The following EYS variants were observed in gnomAD, a reference collection of about 807,000 sequenced individuals.
EYS encodes the protein EGF-like photoreceptor maintenance factor.
A neutral mutation model predicts 282.1 loss-of-function variants in EYS; 250 were observed. The ratio of observed to expected loss-of-function variants is 0.89; its 90% CI spans 0.80 to 0.98. The LOEUF is 0.98. Ranked by LOEUF, EYS falls within the 50% of genes least tolerant of loss-of-function variation. EYS has a pLI of 0.00. For missense variants in EYS, 4,016 were observed against 3,709.0 expected (o/e 1.08, Z -2.15); for synonymous variants, 1,355 against 1,282.9 (o/e 1.06, Z -1.20).
intron 23 of EYS, among the ~76,000 whole-genome samples, chr6:64,618,840 A>G (rs1198455463): frequency 6.6e-6 from 1 of 152,182 alleles, no homozygotes; most frequent in Non-Finnish European, 1.5e-5. Context: ...ATGGAAAAAA[A>G]CATCTTCACA....
chr6:63,725,231 CT>C, intron 42 of EYS, among the ~76,000 whole-genome samples: 1 of 152,218 alleles, frequency 6.6e-6, no homozygotes, highest in East Asian at 1.9e-4. Context: ...TCTTGATTGT[CT>C]TGAACTACAT....
At position 64,962,359 on chromosome 6, in the gene EYS, C is replaced by T. The variant is rs565496186; in HGVS notation, c.2260-16445G>A. Among the ~76,000 whole-genome samples, 18 of 151,952 alleles carry T rather than the reference C, an allele frequency of 1.2e-4. No homozygotes were observed. The South Asian group carries it at 3.5e-3, about 30-fold the overall frequency. On this transcript the variant is annotated intron_variant, in intron 14 of 42. Transcript: ENST00000503581. ...CTGTTTATCTAATTTATCTATGTAT[C>T]TCTTTATCTCTCTCTTTATCTAATT...
At chr6:64,160,551 A>G (rs1369767028) in intron 31 of EYS, among the ~76,000 whole-genome samples, 1 of 152,206 alleles carries the variant, frequency 6.6e-6, no homozygotes, top group Non-Finnish European at 1.5e-5. Flanking sequence ...AGCTAAAACC[A>G]ACCTTAAAAA....
At chr6:64,015,732 T>C (rs1038720198) in intron 33 of EYS, among the ~76,000 whole-genome samples, 1 of 152,168 alleles carries the variant, frequency 6.6e-6, no homozygotes, top group Non-Finnish European at 1.5e-5. Flanking sequence ...GACATTGTCA[T>C]TCTCTGAGAG....
At chr6:64,306,736 A>G (rs1769459397) in intron 30 of EYS, among the ~76,000 whole-genome samples, 1 of 152,188 alleles carries the variant, frequency 6.6e-6, no homozygotes, top group South Asian at 2.1e-4. Flanking sequence ...GTTGGATGGT[A>G]TATTTTATAT....
Position 63,761,551 on chromosome 6 carries a change from AT to A in EYS, c.8071+909del, listed in dbSNP as rs563454151. Among the ~76,000 whole-genome samples, 33 of 152,154 alleles carry A rather than the reference AT, an allele frequency of 2.2e-4. 1 individual carries two copies. In the South Asian group the frequency reaches 5.2e-3, roughly 24 times the overall value. The stretch of plus-strand genomic sequence containing the variant: ...TTTGATAAAGTGATCTAGAAATATT[AT>A]TTTTTTCTTACACATATGAATATGA... On this transcript the variant is annotated intron_variant, in intron 41 of 42. Coordinates refer to ENST00000503581, the MANE Select transcript of EYS (RefSeq NM_001142800.2).
intron 13 of EYS, among the ~76,000 whole-genome samples, chr6:65,041,910 C>T (rs975780405): frequency 6.6e-6 from 1 of 151,632 alleles, no homozygotes; most frequent in Non-Finnish European, 1.5e-5. Context: ...CCAAAATAGT[C>T]TCAATGGCAC....
chr6:64,537,423 T>C (rs1410335139), intron 26 of EYS, among the ~76,000 whole-genome samples: 1 of 152,108 alleles, frequency 6.6e-6, no homozygotes, highest in East Asian at 1.9e-4. Context: ...GACATTTGGG[T>C]TGGTTCCAAG....
intron 14 of EYS, among the ~76,000 whole-genome samples, chr6:64,955,255 T>A (rs538441459): frequency 1.2e-3 from 181 of 151,502 alleles, no homozygotes; most frequent in Non-Finnish European, 1.8e-3. Context: ...ATTAAATACC[T>A]AGGAATTAAC....
At chr6:65,559,432 C>G (rs2127343532) in intron 2 of EYS, among the ~76,000 whole-genome samples, 1 of 152,038 alleles carries the variant, frequency 6.6e-6, no homozygotes, top group East Asian at 1.9e-4. Context: ...TTTGGCTACT[C>G]CCAATAGATT....
At chr6:65,062,239 C>T (rs1431603623) in intron 12 of EYS, among the ~76,000 whole-genome samples, 1 of 151,906 alleles carries the variant, frequency 6.6e-6, no homozygotes, top group Non-Finnish European at 1.5e-5. Flanking sequence ...GCAAACAAAA[C>T]TCTCTAAGCA....
chr6:64,264,421 A>G (rs901568455), intron 30 of EYS, among the ~76,000 whole-genome samples: 2 of 152,134 alleles, frequency 1.3e-5, no homozygotes, highest in Non-Finnish European at 2.9e-5. Context: ...TCCACAAGTT[A>G]TCTCTGTCCT....
chr6:65,545,797 A>G (rs1169364621), intron 2 of EYS, among the ~76,000 whole-genome samples: 1 of 152,140 alleles, frequency 6.6e-6, no homozygotes, highest in East Asian at 1.9e-4. Context: ...ACAAAGACCA[A>G]TTATTTCATG....
chr6:64,432,583 AAGT>A (rs1774607513), intron 28 of EYS, among the ~76,000 whole-genome samples: 1 of 151,212 alleles, frequency 6.6e-6, no homozygotes, highest in African/African-American at 2.4e-5. Context: ...CAATGATTAT[AAGT>A]AGTATATAGT....
At chr6:64,546,034 A>T (rs1258874198) in intron 26 of EYS, among the ~76,000 whole-genome samples, 1 of 152,182 alleles carries the variant, frequency 6.6e-6, no homozygotes, top group Non-Finnish European at 1.5e-5. Context: ...TAAAGTTCAT[A>T]TGGAAACAAA....
At position 64,587,189 on chromosome 6, in the gene EYS, T is replaced by A. The variant is rs9353933; in HGVS notation, c.5644+3034A>T. Among the ~76,000 whole-genome samples the A allele has an allele frequency of 2.8e-3, 424 of 150,460 alleles. 13 individuals are homozygous for A. In the East Asian group the frequency reaches 0.069, roughly 25 times the overall value. ...TCGCAAGAGGTTGCTCAGAGTGTCATTTTTTTTTCTAGTGGTCCAATACAA... is the reference window on the plus strand; with the variant it reads ...TCGCAAGAGGTTGCTCAGAGTGTCAATTTTTTTTCTAGTGGTCCAATACAA... On this transcript the variant is annotated intron_variant, in intron 26 of 42. Coordinates refer to ENST00000503581, the MANE Select transcript of EYS (RefSeq NM_001142800.2).
intron 1 of EYS, among the ~76,000 whole-genome samples, chr6:65,688,960 A>G (rs911985795): frequency 2.0e-5 from 3 of 151,144 alleles, no homozygotes; most frequent in African/African-American, 2.4e-5. Flanking sequence ...GTGGAAGTCA[A>G]TGTGGCGATT....
intron 12 of EYS, among the ~76,000 whole-genome samples, chr6:65,079,180 C>T (rs999944245): frequency 1.3e-5 from 2 of 151,906 alleles, no homozygotes; most frequent in East Asian, 1.9e-4. Flanking sequence ...AAATTGATCT[C>T]GATATCAAGA....
chr6:64,297,833 C>T (rs976922056), intron 30 of EYS, among the ~76,000 whole-genome samples: 5 of 151,898 alleles, frequency 3.3e-5, no homozygotes, highest in African/African-American at 1.2e-4. Flanking sequence ...CAAAAATTAG[C>T]CAAGTGTGGT....
Sources: allele counts gnomAD v4.1 joint callset (sites outside exome capture counted in the v4.1 genomes callset), GRCh38; gene constraint gnomAD v4.1.1; transcripts MANE v1.5; gene names NCBI Gene and HGNC (gene_info 2026-07-23, HGNC 2026-07-21).